The following ITGB4 variants were observed in gnomAD, a reference collection of about 807,000 sequenced individuals.
The protein encoded by ITGB4 is integrin beta-4.
In ITGB4, 159 loss-of-function variants were observed where a neutral mutation model predicts 207.6. That is an observed-to-expected ratio of 0.77 (90% CI 0.67 to 0.87). ITGB4 has a LOEUF of 0.87. ITGB4 is among the 40% of genes least tolerant of loss of function. ITGB4 has a pLI of 0.00. For synonymous variants in ITGB4, 1,020 were observed against 1,062.7 expected (o/e 0.96, Z 0.78); for missense variants, 2,278 against 2,546.8 (o/e 0.89, Z 2.27).
At chr17:75,749,999 T>C in intron 27 of ITGB4, 112 bp from the exon 28 acceptor site, 1 of 1,340,372 alleles carries the variant, frequency 7.5e-7, no homozygotes, top group Admixed American at 1.7e-5. Context: ...GGTGGGCAGG[T>C]CTGAGTTGAA....
intron 35 of ITGB4, 144 bp from the exon 36 acceptor site, chr17:75,756,285 A>G (rs1254036575): frequency 3.7e-6 from 3 of 811,192 alleles, no homozygotes; most frequent in Non-Finnish European, 6.1e-6. Context: ...CAGCCATACC[A>G]TACTGTACCC....
chr17:75,736,864 G>A (rs980677583), intron 16 of ITGB4, among the ~76,000 whole-genome samples, 170 bp downstream of exon 16: 1 of 152,042 alleles, frequency 6.6e-6, no homozygotes, highest in Non-Finnish European at 1.5e-5. Flanking sequence ...AGAGGACACC[G>A]AATCCCAGAA....
At position 75,728,353 on chromosome 17, in the gene ITGB4, CCT is replaced by C. The variant is rs766709783; in HGVS notation, c.470-19_470-18del. On this transcript the variant is annotated intron_variant, in intron 5 of 39. Transcript: ENST00000200181. The stretch of plus-strand genomic sequence containing the variant: ...GCCAGGCATCAGGGCTCAGCTATCC[CCT>C]CTCTGTCCTTTTGACATCCAGCTCG... 1.4e-5 allele frequency: 22 copies of C among 1,608,260 alleles called. No homozygotes were observed. The South Asian group carries it at 1.9e-4, about 14-fold the overall frequency.
At position 75,742,206 on chromosome 17, in the gene ITGB4, G is replaced by C. The variant is rs887250748; in HGVS notation, c.2634-135G>C. On this transcript the variant is annotated intron_variant, in intron 23 of 39. Coordinates refer to ENST00000200181, the MANE Select transcript of ITGB4 (RefSeq NM_000213.5). The surrounding 1 kb of genome is among the most constrained non-coding windows in gnomAD (Gnocchi z 5.9). ...GGGGCTGGCATAGGCCTGGAGCACT[G>C]CCTGCCTCTGAAGACCCTGCACTTC... is the stretch of plus-strand genomic sequence containing the variant. The C allele has an allele frequency of 8.3e-5, 96 of 1,157,404 alleles. No individual in the cohort carries two copies. The highest frequency in any genetic ancestry group is 7.3e-5 in the Non-Finnish European group (58 of 795,726). 71.7% of individuals were successfully genotyped at this position (1,157,404 alleles called of 1,614,324 possible).
At position 75,739,737 on chromosome 17, in the gene ITGB4, G is replaced by A. The variant is rs893603094; in HGVS notation, c.2254+32G>A. On this transcript the variant is annotated intron_variant, in intron 19 of 39. Coordinates refer to ENST00000200181, the MANE Select transcript of ITGB4 (RefSeq NM_000213.5). The surrounding 1 kb of genome is among the most constrained non-coding windows in gnomAD (Gnocchi z 5.4). ...GCCTGGCATCGCAGGGGCAGCAGGG[G>A]CTCTGACTGCTCTTTCTCTGAGCTG... The A allele has an allele frequency of 3.1e-6, 5 of 1,613,840 alleles. No individual in the cohort carries two copies. The highest frequency in any genetic ancestry group is 1.1e-5 in the South Asian group (1 of 91,078).
intron 1 of ITGB4, among the ~76,000 whole-genome samples, chr17:75,723,526 G>T (rs935742681): frequency 2.0e-5 from 3 of 152,214 alleles, no homozygotes; most frequent in Non-Finnish European, 4.4e-5. Flanking sequence ...CCCTTTCCCT[G>T]CTGGCTCAGG....
chr17:75,727,352 G>A lies in ITGB4; in HGVS notation c.163-52G>A. 1 of 1,612,766 alleles carries A rather than the reference G, an allele frequency of 6.2e-7. No homozygotes were observed. The highest frequency in any genetic ancestry group is 1.1e-5 in the South Asian group (1 of 90,992). ...CTGGTGGAAATGAATCTAGGGTTGG[G>A]GCAGCCAGGGAATGGGTGCTGCCCC... On this transcript the variant is annotated intron_variant, in intron 3 of 39. Coordinates refer to ENST00000200181, the MANE Select transcript of ITGB4 (RefSeq NM_000213.5). The surrounding 1 kb of genome is among the most constrained non-coding windows in gnomAD (Gnocchi z 6.0).
rs764542651 is a variant in ITGB4 at position 75,736,387 on chromosome 17, G to A, written c.1860+1G>A. 12 of 1,614,086 alleles carry A rather than the reference G, an allele frequency of 7.4e-6. No individual in the cohort carries two copies. The highest frequency in any genetic ancestry group is 1.3e-5 in the African/African-American group (1 of 75,060). On this transcript the variant is annotated splice_donor_variant, in intron 15 of 39. Coordinates refer to ENST00000200181, the MANE Select transcript of ITGB4 (RefSeq NM_000213.5). LOFTEE classifies it high-confidence loss of function. ...CATCTGCGAGATCAACTACTCGGCGGTGAGGCTAAGACCTACGAGGTGTGG... is the reference window on the plus strand; with the variant it reads ...CATCTGCGAGATCAACTACTCGGCGATGAGGCTAAGACCTACGAGGTGTGG...
chr17:75,735,400 CTTTTTTCTTTTCT>C (rs2060951693), intron 13 of ITGB4, among the ~76,000 whole-genome samples: 1 of 135,634 alleles, frequency 7.4e-6, no homozygotes. Context: ...AGTTTTATTT[CTTTTTTCTTTTCT>C]TTTTTTTTTT....
chr17:75,752,095 G>C, intron 30 of ITGB4, 79 bp from the exon 31 acceptor site: 4 of 1,482,266 alleles, frequency 2.7e-6, no homozygotes, highest in Non-Finnish European at 3.8e-6. Flanking sequence ...GGGATGCACG[G>C]CCGTCCTGCT....
At position 75,752,371 on chromosome 17, in the gene ITGB4, G is replaced by C. The variant is rs2603499; in HGVS notation, c.3976+15G>C. The C allele has an allele frequency of 0.032, 51,309 of 1,612,536 alleles. 987 individuals are homozygous for C. Among genetic ancestry groups the C allele is most frequent in the Non-Finnish European group, 0.036 (42,523 of 1,179,698 alleles). On this transcript the variant is annotated intron_variant, in intron 31 of 39. Coordinates refer to ENST00000200181, the MANE Select transcript of ITGB4 (RefSeq NM_000213.5). ...GCCCATGTCCAGTGAGTGGTGGGCA[G>C]GGAGGTGAGGGGCAGACCGGGCAGG...
rs769814654 is a variant in ITGB4, at chr17:75,737,352, G to T, written c.2021G>T (p.Arg674Leu). 1.9e-6 allele frequency: 3 copies of T among 1,591,436 alleles called. No individual in the cohort carries two copies. Among genetic ancestry groups the T allele is most frequent in the Admixed American group, 3.5e-5 (2 of 56,778 alleles). Residue 674 changes from arginine to leucine, a missense_variant, in exon 17 of 40, where the codon CGG becomes CTG. By Grantham distance (102) the Arg-to-Leu change is moderately radical (BLOSUM62 -2). Transcript: ENST00000200181. ...GAGGTGGTGGTGCGCTGCTCCTTCC[G>T]GGACGAGGATGACGACTGCACCTAC... ...AEEVVVRCSF[R>L]DEDDDCTYSY...
chr17:75,724,902 C>T (rs898821219), intron 2 of ITGB4, 120 bp downstream of exon 2: 4 of 818,448 alleles, frequency 4.9e-6, no homozygotes, highest in Non-Finnish European at 4.1e-6. Context: ...AGCAACTGAC[C>T]ACTGCCCACC....
chr17:75,740,802 G>C lies in ITGB4; in HGVS notation c.2560G>C (p.Val854Leu). Reference sequence around the variant, plus strand: ...CTCCCTTGCCTGGCAGCTGAACGAGGTCTACAGGCAGATCTCCGGTGTACA... The same window carrying C: ...CTCCCTTGCCTGGCAGCTGAACGAGCTCTACAGGCAGATCTCCGGTGTACA... Reference protein sequence around the residue: ...RQEVEENLNEVYRQISGVHKL... With the variant: ...RQEVEENLNELYRQISGVHKL... The change falls in exon 22 of 40, where the codon GTC (valine) becomes CTC (leucine). Residue 854 changes from valine (V) to leucine (L), a missense_variant. Physicochemically the swap from Val to Leu is conservative, Grantham distance 32. Coordinates refer to ENST00000200181, the MANE Select transcript of ITGB4 (RefSeq NM_000213.5). This position sits in a 1 kb window ranked among gnomAD's most constrained non-coding sequence, Gnocchi z 5.9. 3.1e-6 allele frequency: 5 copies of C among 1,613,296 alleles called. No homozygotes were observed. The South Asian group carries it at 3.3e-5, about 11-fold the overall frequency.
chr17:75,741,161 C>A, intron 23 of ITGB4, 156 bp downstream of exon 23: 1 of 849,150 alleles, frequency 1.2e-6, no homozygotes. Flanking sequence ...TTCCTTTGAC[C>A]ATTTCTTCAA....
chr17:75,752,525 C>T lies in ITGB4; in HGVS notation c.4056C>T (p.Asp1352=), dbSNP rs762937846. The part of the protein sequence containing the change: ...DYDSFLMYSD[D]VLRSPSGSQR... Reference sequence around the variant, plus strand: ...ACAGCTTCCTTATGTACAGCGATGACGTTCTACGCTCTCCATCGGGCAGCC... The same window carrying T: ...ACAGCTTCCTTATGTACAGCGATGATGTTCTACGCTCTCCATCGGGCAGCC... The change falls in exon 32 of 40, where the codon GAC becomes GAT. Residue 1352 remains aspartate (D), a synonymous_variant. Coordinates refer to ENST00000200181, the MANE Select transcript of ITGB4 (RefSeq NM_000213.5). The T allele has an allele frequency of 6.2e-6, 10 of 1,613,576 alleles. No homozygotes were observed. Among genetic ancestry groups the T allele is most frequent in the Admixed American group, 3.3e-5 (2 of 60,010 alleles).
At position 75,742,791 on chromosome 17, in the gene ITGB4, C is replaced by A. The variant is rs1186594877; in HGVS notation, c.2962+30C>A. 2 of 1,589,504 alleles carry A rather than the reference C, an allele frequency of 1.3e-6. No homozygotes were observed. Among genetic ancestry groups the A allele is most frequent in the South Asian group, 2.2e-5 (2 of 90,402 alleles). ...GTCTGGGTGGGGAGAGTGGGGAAGG[C>A]AGACGGGGGCTCGGGGGCACTGGTT... On this transcript the variant is annotated intron_variant, in intron 25 of 39. Coordinates refer to ENST00000200181, the MANE Select transcript of ITGB4 (RefSeq NM_000213.5). The surrounding 1 kb of genome is among the most constrained non-coding windows in gnomAD (Gnocchi z 5.9).
In ITGB4 at chr17:75,743,095, C is replaced by T. The variant is rs139429364; in HGVS notation, c.2962+334C>T. 8.5e-5 allele frequency among the ~76,000 whole-genome samples: 13 copies of T among 152,244 alleles called. No homozygotes were observed. In the East Asian group the frequency reaches 1.5e-3, roughly 18 times the overall value. ...ATCTGACCCCTCCTCCCACCTGTGC[C>T]GGAAGCCACAGGCCTCAGGCCTGTT... On this transcript the variant is annotated intron_variant, in intron 25 of 39. Transcript: ENST00000200181.
chr17:75,730,647 C>A, intron 8 of ITGB4, 143 bp downstream of exon 8: 2 of 1,136,962 alleles, frequency 1.8e-6, no homozygotes, highest in East Asian at 2.6e-5. Context: ...TCCTTCCTCC[C>A]TTCCCAAAGC....
Sources: gnomAD v4.1 joint callset for allele counts (sites outside exome capture counted in the v4.1 genomes callset) on GRCh38, gnomAD v4.1.1 for gene constraint, Gnocchi (gnomAD v3.1) non-coding constraint, MANE v1.5 for transcripts, NCBI Gene and HGNC (gene_info 2026-07-23, HGNC 2026-07-21) for gene names.